Variants in VWA8 observed in about 807,000 individuals in gnomAD.
The protein encoded by VWA8 is von Willebrand factor A domain containing 8.
Under a neutral mutation model 241.5 loss-of-function variants are expected in VWA8, and 221 were observed. The observed-to-expected ratio is 0.91, with a 90% CI of 0.82 to 1.02. The LOEUF is 1.02. VWA8 is among the 50% of genes least tolerant of loss of function. The pLI is 0.00. For synonymous variants in VWA8, 852 were observed against 827.1 expected (o/e 1.03, Z -0.52); for missense variants, 2,322 against 2,328.7 (o/e 1.00, Z 0.06).
intron 31 of VWA8, 135 bp from the exon 32 acceptor site, chr13:41,691,580 G>T: frequency 1.6e-6 from 2 of 1,249,794 alleles, no homozygotes; most frequent in Non-Finnish European, 2.1e-6. Context: ...ATAGAAAAAT[G>T]TTAATTAAAA....
At chr13:41,727,900 T>C (rs1360856375) in intron 23 of VWA8, among the ~76,000 whole-genome samples, 1 of 152,196 alleles carries the variant, frequency 6.6e-6, no homozygotes, top group East Asian at 1.9e-4. Context: ...TTAAAATAAG[T>C]GATCTTAAGT....
In VWA8 at chr13:41,811,305, T is replaced by G; in HGVS notation, c.1983A>C (p.Gln661His). The change falls in exon 17 of 45, where the codon CAA (glutamine) becomes CAC (histidine). Residue 661 changes from glutamine (Q) to histidine (H), a missense_variant. Physicochemically the swap from Gln to His is conservative, Grantham distance 24. Transcript: ENST00000379310. Reference sequence around the variant, plus strand: ...ACAGCCGACGAGAAATTCGCAACAGTTGTCTGGTAGAAAGTGATGCCGCTA... The same window carrying G: ...ACAGCCGACGAGAAATTCGCAACAGGTGTCTGGTAGAAAGTGATGCCGCTA... Reference protein sequence around the residue: ...QSLAASLSTRQLLRISRRLSQ... With the variant: ...QSLAASLSTRHLLRISRRLSQ... 1.2e-6 allele frequency: 2 copies of G among 1,610,462 alleles called. No individual in the cohort carries two copies. Among genetic ancestry groups the G allele is most frequent in the Non-Finnish European group, 1.7e-6 (2 of 1,177,430 alleles).
chr13:41,645,551 T>C (rs2044825848), intron 37 of VWA8, among the ~76,000 whole-genome samples: 1 of 152,232 alleles, frequency 6.6e-6, no homozygotes, highest in South Asian at 2.1e-4. Context: ...TTTATGGCTC[T>C]GGCAGCTGAT....
At chr13:41,595,996 G>C (rs2044485556) in intron 40 of VWA8, among the ~76,000 whole-genome samples, 1 of 152,094 alleles carries the variant, frequency 6.6e-6, no homozygotes, top group African/African-American at 2.4e-5. Context: ...GATATTGACA[G>C]CTTAAAATAA....
chr13:41,935,528 A>G (rs1254611134), intron 2 of VWA8, among the ~76,000 whole-genome samples: 1 of 152,148 alleles, frequency 6.6e-6, no homozygotes, highest in African/African-American at 2.4e-5. Flanking sequence ...GCATTTAAAC[A>G]TGAGGTTTTT....
chr13:41,884,467 C>A (rs1410710417), intron 8 of VWA8, among the ~76,000 whole-genome samples: 1 of 152,038 alleles, frequency 6.6e-6, no homozygotes, highest in Non-Finnish European at 1.5e-5. Flanking sequence ...AACCTCTTTT[C>A]TTTATAAATT....
At chr13:41,848,202 G>C (rs547692899) in intron 12 of VWA8, among the ~76,000 whole-genome samples, 2 of 152,264 alleles carry the variant, frequency 1.3e-5, no homozygotes, top group East Asian at 1.9e-4. Context: ...TGCCTTTTCT[G>C]AATTGCTACT....
rs1483729432 is a variant in VWA8 at position 41,885,946 on chromosome 13, T to C, written c.949A>G (p.Ser317Gly). 2 of 1,599,416 alleles carry C rather than the reference T, an allele frequency of 1.3e-6. No individual in the cohort carries two copies. The highest frequency in any genetic ancestry group is 1.7e-4 in the Middle Eastern group (1 of 6,026). The change falls in exon 8 of 45, where the codon AGT becomes GGT. Residue 317 changes from serine (S) to glycine (G), a missense_variant. Coordinates refer to ENST00000379310, the MANE Select transcript of VWA8 (RefSeq NM_015058.2). ...AAGATTTGAACCGCAGCTGCTAAACTATCTAAAGGAAAGTCTGGAAGTCCA... is the reference window on the plus strand; with the variant it reads ...AAGATTTGAACCGCAGCTGCTAAACCATCTAAAGGAAAGTCTGGAAGTCCA... ...TLGLPDFPLDSLAAAVQILDS... is the reference protein window; with the variant it reads ...TLGLPDFPLDGLAAAVQILDS...
At chr13:41,580,740 T>G (rs577272205) in intron 42 of VWA8, among the ~76,000 whole-genome samples, 1 of 152,200 alleles carries the variant, frequency 6.6e-6, no homozygotes, top group African/African-American at 2.4e-5. Flanking sequence ...AAGTCAGAAG[T>G]GCTGGCTTTG....
At position 41,732,091 on chromosome 13, in the gene VWA8, C is replaced by T. The variant is rs767931779; in HGVS notation, c.2491G>A (p.Asp831Asn). 6.2e-7 allele frequency: 1 copy of T among 1,612,892 alleles called. No individual in the cohort carries two copies. Among genetic ancestry groups the T allele is most frequent in the South Asian group, 1.1e-5 (1 of 91,044 alleles). ...ATTAGGTTACTAACCAAAGGTGAGTCTTCATATACAATAAGTCCGTCTTTA... is the reference window on the plus strand; with the variant it reads ...ATTAGGTTACTAACCAAAGGTGAGTTTTCATATACAATAAGTCCGTCTTTA... ...SVKDGLIVYE[D>N]SPLVKAVKLG... Residue 831 changes from aspartate (D) to asparagine (N), a missense_variant, in exon 22 of 45, where the codon GAC becomes AAC. Coordinates refer to ENST00000379310, the MANE Select transcript of VWA8 (RefSeq NM_015058.2).
In VWA8 at chr13:41,628,050, T is replaced by C. The variant is rs543506751; in HGVS notation, c.4612-12966A>G. Among the ~76,000 whole-genome samples, 4 of 152,296 alleles carry C rather than the reference T, an allele frequency of 2.6e-5. 1 individual carries two copies. Among genetic ancestry groups the C allele is most frequent in the African/African-American group, 9.6e-5 (4 of 41,566 alleles). Reference sequence around the variant, plus strand: ...CTTTTCTTCATCCACTTGATTTACATAGGGTGTACCCCAAGTAGAGGTATT... The same window carrying C: ...CTTTTCTTCATCCACTTGATTTACACAGGGTGTACCCCAAGTAGAGGTATT... On this transcript the variant is annotated intron_variant, in intron 37 of 44. Coordinates refer to ENST00000379310, the MANE Select transcript of VWA8 (RefSeq NM_015058.2).
chr13:41,821,146 C>T (rs564847963), intron 14 of VWA8, among the ~76,000 whole-genome samples: 23 of 152,230 alleles, frequency 1.5e-4, no homozygotes, highest in African/African-American at 4.3e-4. Context: ...AAAAGAACAA[C>T]TAAAATGAGA....
intron 17 of VWA8, among the ~76,000 whole-genome samples, chr13:41,804,724 AT>A (rs1375806680): frequency 6.6e-6 from 1 of 151,804 alleles, no homozygotes; most frequent in Non-Finnish European, 1.5e-5. Context: ...CAAGACATAG[AT>A]AGTACAATAA....
At chr13:41,730,395 G>A (rs747634178) in intron 22 of VWA8, among the ~76,000 whole-genome samples, 5 of 152,106 alleles carry the variant, frequency 3.3e-5, no homozygotes, top group Admixed American at 6.6e-5. Context: ...TGACAGAAGT[G>A]GAGCTTGGAG....
At chr13:41,786,106 C>G (rs942834185) in intron 18 of VWA8, among the ~76,000 whole-genome samples, 1 of 152,108 alleles carries the variant, frequency 6.6e-6, no homozygotes, top group African/African-American at 2.4e-5. Context: ...TATTTTGGTA[C>G]ATTTGTCAAG....
intron 2 of VWA8, among the ~76,000 whole-genome samples, chr13:41,935,947 A>G (rs1257672660): frequency 6.6e-6 from 1 of 152,132 alleles, no homozygotes; most frequent in Non-Finnish European, 1.5e-5. Flanking sequence ...CTCCACTGAT[A>G]GACTCAGGTT....
chr13:41,571,308 CTCCTCCCTCTCCCTCTCCCG>C (rs1566370806), intron 43 of VWA8, among the ~76,000 whole-genome samples: 3 of 109,278 alleles, frequency 2.7e-5, no homozygotes, highest in African/African-American at 1.1e-4. Context: ...CTCCCTCTCC[CTCCTCCCTCTCCCTCTCCCG>C]TCTCCCTCTC....
At chr13:41,682,542 T>C (rs2045108073) in intron 35 of VWA8, among the ~76,000 whole-genome samples, 1 of 151,690 alleles carries the variant, frequency 6.6e-6, no homozygotes, top group Admixed American at 6.6e-5. Flanking sequence ...AGTTCAGGAG[T>C]TTGAGACCAG....
chr13:41,768,889 C>T (rs2045798129), intron 20 of VWA8, among the ~76,000 whole-genome samples: 1 of 148,312 alleles, frequency 6.7e-6, no homozygotes, highest in African/African-American at 2.5e-5. Context: ...AATAAATCAA[C>T]TATAAAACAA....
Sources: gnomAD v4.1 joint callset for allele counts (sites outside exome capture counted in the v4.1 genomes callset) on GRCh38, gnomAD v4.1.1 for gene constraint, MANE v1.5 for transcripts, NCBI Gene and HGNC (gene_info 2026-07-23, HGNC 2026-07-21) for gene names.